Variants in NSUN4 observed in about 807,000 individuals in gnomAD.
NSUN4 encodes the protein 5-cytosine rRNA methyltransferase NSUN4.
A neutral mutation model predicts 43.8 loss-of-function variants in NSUN4; 31 were observed. That is an observed-to-expected ratio of 0.71 (90% CI 0.53 to 0.96). The LOEUF (loss-of-function observed/expected upper bound fraction) is 0.96. Among genes scored for constraint, NSUN4 ranks in the 40% least tolerant of loss-of-function variants. The pLI is 0.00. For synonymous variants in NSUN4, 167 were observed against 184.1 expected (o/e 0.91, Z 0.75); for missense variants, 439 against 475.6 (o/e 0.92, Z 0.72).
chr1:46,373,814 A>G, the NSUN4 span, among the ~76,000 whole-genome samples: 24 of 152,224 alleles, frequency 1.6e-4, no homozygotes, highest in African/African-American at 5.3e-4. Flanking sequence ...AAGTTTCAAC[A>G]TGAGTTTCAG....
At chr1:46,369,864 T>C (rs1664209304), downstream of NSUN4, among the ~76,000 whole-genome samples, 1 of 152,138 alleles carries the variant, frequency 6.6e-6, no homozygotes, top group South Asian at 2.1e-4. Flanking sequence ...TGTCGGAGTT[T>C]TAAGGTGGAA....
At chr1:46,366,154 A>T (rs1275900876), downstream of NSUN4, among the ~76,000 whole-genome samples, 1 of 152,154 alleles carries the variant, frequency 6.6e-6, no homozygotes, top group South Asian at 2.1e-4. Flanking sequence ...TAAAAACTTC[A>T]TTCTAGTGGA....
intron 4 of NSUN4, among the ~76,000 whole-genome samples, chr1:46,357,379 T>A (rs563504792): frequency 6.6e-6 from 1 of 152,324 alleles, no homozygotes; most frequent in East Asian, 1.9e-4. Context: ...GACGGGGTTT[T>A]GTCATATTGC....
chr1:46,383,201 G>A, the NSUN4 span, among the ~76,000 whole-genome samples: 2 of 152,222 alleles, frequency 1.3e-5, no homozygotes, highest in African/African-American at 4.8e-5. Context: ...ATGAAGAAGA[G>A]CCCAGGGTGA....
chr1:46,365,094 A>G (rs573554132), downstream of NSUN4: 1 of 152,360 alleles, frequency 6.6e-6, no homozygotes, highest in Admixed American at 6.5e-5. Flanking sequence ...ATGGAATCAT[A>G]CAATATGTAG....
chr1:46,379,556 A>G, the NSUN4 span, among the ~76,000 whole-genome samples: 1 of 152,114 alleles, frequency 6.6e-6, no homozygotes, highest in African/African-American at 2.4e-5. Context: ...CAGAAGTTGC[A>G]GTGAGCTGAG....
chr1:46,377,051 C>T, the NSUN4 span, among the ~76,000 whole-genome samples: 16 of 151,254 alleles, frequency 1.1e-4, no homozygotes, highest in Non-Finnish European at 2.1e-4. Flanking sequence ...AGCCACTGCA[C>T]CGGCCTTTTT....
rs1213717673 is a variant in NSUN4, at chr1:46,352,916, A to G, written c.641A>G (p.Gln214Arg). 1.2e-6 allele frequency: 2 copies of G among 1,614,232 alleles called. No individual in the cohort carries two copies. Among genetic ancestry groups the G allele is most frequent in the Non-Finnish European group, 1.7e-6 (2 of 1,180,020 alleles). The change falls in exon 4 of 6, where the codon CAG becomes CGG. Residue 214 changes from glutamine to arginine, a missense_variant. Transcript: ENST00000474844. ...DLSPSRIARL[Q>R]KILHSYVPEE... ...TCCCCGTCCCGAATAGCCAGACTAC[A>G]GAAGATCCTTCACAGCTATGTGCCT...
intron 1 of NSUN4, chr1:46,342,223 C>T: frequency 5.0e-6 from 2 of 399,666 alleles, no homozygotes; most frequent in Non-Finnish European, 8.8e-6. Flanking sequence ...CTTCTCTCCC[C>T]AGCATCTTCC....
At position 46,344,866 on chromosome 1, in the gene NSUN4, T is replaced by C; in HGVS notation, c.159T>C (p.Ser53=). Residue 53 remains serine (S), a synonymous_variant, in exon 2 of 6, where the codon AGT becomes AGC. Coordinates refer to ENST00000474844, the MANE Select transcript of NSUN4 (RefSeq NM_199044.4). The stretch of plus-strand genomic sequence containing the variant: ...TGCAGAATTTTGACATGACTTACAG[T>C]GTGCAGTTTGGAGATCTTTGGCCAT... ...LALQNFDMTY[S]VQFGDLWPSI... 6.2e-7 allele frequency: 1 copy of C among 1,614,210 alleles called. No homozygotes were observed. The highest frequency in any genetic ancestry group is 8.5e-7 in the Non-Finnish European group (1 of 1,180,034).
At chr1:46,342,849 C>T (rs1444486062) in intron 1 of NSUN4, 3 of 400,050 alleles carry the variant, frequency 7.5e-6, no homozygotes, top group Non-Finnish European at 8.8e-6. Flanking sequence ...TTCTGGCCAG[C>T]CCAAGCCCGC....
At chr1:46,349,144 GTT>G (rs776362753) in intron 3 of NSUN4, among the ~76,000 whole-genome samples, 1 of 116,274 alleles carries the variant, frequency 8.6e-6, no homozygotes, top group Non-Finnish European at 1.9e-5. Context: ...TTGTTTTTTT[GTT>G]TTTTTTTTTT....
chr1:46,351,979 A>T (rs1485835385), intron 3 of NSUN4, among the ~76,000 whole-genome samples: 2 of 148,838 alleles, frequency 1.3e-5, no homozygotes, highest in Non-Finnish European at 1.5e-5. Flanking sequence ...GTCTCTTTTT[A>T]AAAAATTATT....
chr1:46,341,154 C>T, intron 1 of NSUN4: 1 of 1,303,322 alleles, frequency 7.7e-7, no homozygotes, highest in Non-Finnish European at 9.8e-7. Flanking sequence ...CAAGTTGCGT[C>T]ATCACCTTCG....
chr1:46,344,657 T>A, intron 1 of NSUN4, 144 bp from the exon 2 acceptor site: 1 of 694,772 alleles, frequency 1.4e-6, no homozygotes, highest in Non-Finnish European at 2.5e-6. Flanking sequence ...CCTCTCACAC[T>A]TCTCTGGCAG....
intron 2 of NSUN4, among the ~76,000 whole-genome samples, chr1:46,346,131 A>G (rs773221214): frequency 6.1e-4 from 90 of 147,154 alleles, no homozygotes; most frequent in Non-Finnish European, 1.2e-3. Context: ...AGTCTGGGCG[A>G]CAGAGCGAGA....
chr1:46,380,690 G>T, the NSUN4 span, among the ~76,000 whole-genome samples: 3 of 152,148 alleles, frequency 2.0e-5, no homozygotes, highest in East Asian at 5.8e-4. Context: ...TTACAGATAA[G>T]GAAACTGAGG....
the NSUN4 span, among the ~76,000 whole-genome samples, chr1:46,371,431 G>A: frequency 1.3e-5 from 2 of 151,400 alleles, no homozygotes; most frequent in East Asian, 1.9e-4. Flanking sequence ...TCAGCCTCCC[G>A]AGTAGCTGGG....
At chr1:46,366,704 C>CAAAAAAA (rs34437222), downstream of NSUN4, among the ~76,000 whole-genome samples, 14 of 59,432 alleles carry the variant, frequency 2.4e-4, no homozygotes, top group Non-Finnish European at 3.6e-4. Context: ...ACTAAAAATA[C>CAAAAAAA]AAAAAAAAAA....
Sources: gnomAD v4.1 joint callset for allele counts (sites outside exome capture counted in the v4.1 genomes callset) on GRCh38, gnomAD v4.1.1 for gene constraint, MANE v1.5 for transcripts, NCBI Gene and HGNC (gene_info 2026-07-23, HGNC 2026-07-21) for gene names.